The following NEMF variants were observed in gnomAD, a reference collection of about 807,000 sequenced individuals.
The protein encoded by NEMF is nuclear export mediator factor.
Under a neutral mutation model 162.2 loss-of-function variants are expected in NEMF, and 89 were observed. The ratio of observed to expected loss-of-function variants is 0.55; its 90% CI spans 0.46 to 0.65. NEMF has a LOEUF of 0.65. NEMF is among the 30% of genes least tolerant of loss of function. NEMF has a pLI of 0.00. For missense variants in NEMF, 1,133 were observed against 1,261.9 expected (o/e 0.90, Z 1.55); for synonymous variants, 421 against 404.5 (o/e 1.04, Z -0.49).
chr14:49,825,954 G>A lies in NEMF; in HGVS notation c.1490C>T (p.Ala497Val), dbSNP rs370101877. 1.9e-6 allele frequency: 3 copies of A among 1,595,034 alleles called. No individual in the cohort carries two copies. Among genetic ancestry groups the A allele is most frequent in the African/African-American group, 2.7e-5 (2 of 74,444 alleles). Residue 497 changes from alanine (A) to valine (V), a missense_variant and splice_region_variant, in exon 16 of 33, where the codon GCA becomes GTA. By Grantham distance (64) the Ala-to-Val change is moderately conservative (BLOSUM62 0). Around this residue, in one of 3 missense-constraint regions of NEMF, gnomAD observed 582 missense variants for 631.5 expected, o/e 0.92. Coordinates refer to ENST00000298310, the MANE Select transcript of NEMF (RefSeq NM_004713.6). The stretch of plus-strand genomic sequence containing the variant: ...TGTTTTCTTTTCTGCTGACTTGAAT[G>A]CCTATTTATAGAAAAGAGTTTTAAA... Reference protein sequence around the residue: ...TQKTVEAAEKAFKSAEKKTKQ... With the variant: ...TQKTVEAAEKVFKSAEKKTKQ...
chr14:49,845,360 C>A (rs777588887), intron 4 of NEMF, among the ~76,000 whole-genome samples: 1 of 151,800 alleles, frequency 6.6e-6, no homozygotes. Flanking sequence ...CCGCCCTCCT[C>A]GGCCTCCCAA....
chr14:49,804,301 T>C (rs1319755178), intron 19 of NEMF, among the ~76,000 whole-genome samples: 1 of 151,826 alleles, frequency 6.6e-6, no homozygotes, highest in Non-Finnish European at 1.5e-5. Context: ...AAAAGTAACC[T>C]TTGTCTATAT....
In NEMF at chr14:49,846,184, T is replaced by C; in HGVS notation, c.313A>G (p.Ser105Gly). The C allele has an allele frequency of 3.7e-6, 6 of 1,613,790 alleles. No homozygotes were observed. Among genetic ancestry groups the C allele is most frequent in the South Asian group, 1.1e-5 (1 of 91,082 alleles). Reference sequence around the variant, plus strand: ...ATTAAATGGTAAGCAGCTTCATCACTTCCAAATTGAAAATCTACAATTCTA... The same window carrying C: ...ATTAAATGGTAAGCAGCTTCATCACCTCCAAATTGAAAATCTACAATTCTA... ...VDRIVDFQFGSDEAAYHLIIE... is the reference protein window; with the variant it reads ...VDRIVDFQFGGDEAAYHLIIE... Residue 105 changes from serine to glycine, a missense_variant, in exon 4 of 33, where the codon AGT becomes GGT. By Grantham distance (56) the Ser-to-Gly change is moderately conservative (BLOSUM62 0). Coordinates refer to ENST00000298310, the MANE Select transcript of NEMF (RefSeq NM_004713.6).
intron 15 of NEMF, among the ~76,000 whole-genome samples, chr14:49,827,318 C>G (rs138166545): frequency 6.0e-4 from 91 of 152,268 alleles, no homozygotes; most frequent in African/African-American, 2.1e-3. Flanking sequence ...GCCCAAGTAG[C>G]TGGGATTACA....
chr14:49,847,323 T>G (rs1314295686), intron 3 of NEMF, among the ~76,000 whole-genome samples: 2 of 151,902 alleles, frequency 1.3e-5, no homozygotes, highest in Admixed American at 1.3e-4. Flanking sequence ...TGCCTCACCC[T>G]CCCAAGAGTA....
chr14:49,831,947 G>A (rs755529543), intron 10 of NEMF, 104 bp downstream of exon 10: 13 of 709,762 alleles, frequency 1.8e-5, no homozygotes, highest in African/African-American at 3.7e-5. Context: ...GATTCACAGT[G>A]AATGTAAAGC....
chr14:49,783,764 T>A lies in NEMF; in HGVS notation c.*872A>T, dbSNP rs948760441. 6.6e-6 allele frequency: 1 copy of A among 152,000 alleles called. No individual in the cohort carries two copies. Among genetic ancestry groups the A allele is most frequent in the Non-Finnish European group, 1.5e-5 (1 of 67,988 alleles). 9.4% of individuals were successfully genotyped at this position (152,000 alleles called of 1,614,324 possible). On this transcript the variant is annotated 3_prime_UTR_variant, in exon 33 of 33. Coordinates refer to ENST00000298310, the MANE Select transcript of NEMF (RefSeq NM_004713.6). ...ACTGAATCAGATTACAAGGAAAAAA[T>A]TAAGATCAAACCTGAAGGTCTACAA...
chr14:49,831,756 T>C (rs1566694381), intron 10 of NEMF, among the ~76,000 whole-genome samples: 1 of 152,210 alleles, frequency 6.6e-6, no homozygotes, highest in Admixed American at 6.5e-5. Context: ...GAATTTTAGA[T>C]TCCATTGTGT....
chr14:49,833,003 T>C (rs914029796), intron 8 of NEMF, among the ~76,000 whole-genome samples: 1 of 152,102 alleles, frequency 6.6e-6, no homozygotes, highest in Non-Finnish European at 1.5e-5. Flanking sequence ...CAGTGGCCCA[T>C]GTCTATAATC....
chr14:49,799,297 G>A (rs111986755), intron 25 of NEMF, among the ~76,000 whole-genome samples, 178 bp downstream of exon 25: 194 of 148,904 alleles, frequency 1.3e-3, no homozygotes, highest in African/African-American at 4.6e-3. Context: ...TATAGATTAG[G>A]GCCCTTAAAC....
At chr14:49,802,358 G>T in intron 22 of NEMF, 95 bp downstream of exon 22, 9 of 1,358,716 alleles carry the variant, frequency 6.6e-6, no homozygotes, top group Non-Finnish European at 9.0e-6. Context: ...TTGAAATTTA[G>T]ATTATCCCAA....
intron 25 of NEMF, among the ~76,000 whole-genome samples, chr14:49,798,797 C>T (rs1890809619): frequency 1.3e-5 from 2 of 152,114 alleles, no homozygotes; most frequent in African/African-American, 4.8e-5. Flanking sequence ...GTCCCAGCTA[C>T]TCGGGAGGCT....
chr14:49,844,502 T>C (rs1273599937), intron 4 of NEMF, among the ~76,000 whole-genome samples: 1 of 152,104 alleles, frequency 6.6e-6, no homozygotes, highest in African/African-American at 2.4e-5. Flanking sequence ...ATAGGGCACT[T>C]ACCATGAATG....
chr14:49,811,260 G>T (rs1337790644), intron 18 of NEMF, among the ~76,000 whole-genome samples: 1 of 152,006 alleles, frequency 6.6e-6, no homozygotes, highest in Non-Finnish European at 1.5e-5. Context: ...TTGTTCACTG[G>T]TAGTGTACAG....
chr14:49,846,655 G>A (rs149193235), intron 3 of NEMF, among the ~76,000 whole-genome samples: 541 of 152,258 alleles, frequency 3.6e-3, no homozygotes, highest in African/African-American at 0.013. Context: ...TGTAGAGACA[G>A]GGTCTCACTA....
intron 18 of NEMF, among the ~76,000 whole-genome samples, chr14:49,810,547 T>C (rs190200306): frequency 6.6e-6 from 1 of 152,336 alleles, no homozygotes; most frequent in East Asian, 1.9e-4. Context: ...TCCTGATTAC[T>C]GTTACTCTGT....
In NEMF at chr14:49,802,744, A is replaced by T; in HGVS notation, c.1916-17T>A. On this transcript the variant is annotated splice_polypyrimidine_tract_variant and intron_variant, in intron 20 of 32. Coordinates refer to ENST00000298310, the MANE Select transcript of NEMF (RefSeq NM_004713.6). ...TCTTTTTTCCTACAAAAGATAACGT[A>T]CATTAATGCTTTGAAAATCAGTCTT... is the stretch of plus-strand genomic sequence containing the variant. The T allele has an allele frequency of 6.3e-7, 1 of 1,583,024 alleles. No individual in the cohort carries two copies. Among genetic ancestry groups the T allele is most frequent in the Middle Eastern group, 1.7e-4 (1 of 5,798 alleles).
At chr14:49,850,693 TTAATG>T in intron 3 of NEMF, among the ~76,000 whole-genome samples, 1 of 151,632 alleles carries the variant, frequency 6.6e-6, no homozygotes, top group African/African-American at 2.4e-5. Context: ...TAGTAACATA[TTAATG>T]TCAGTGAGTA....
chr14:49,783,125 T>C lies in NEMF; in HGVS notation c.*1511A>G, dbSNP rs1889990421. On this transcript the variant is annotated 3_prime_UTR_variant, in exon 33 of 33. Coordinates refer to ENST00000298310, the MANE Select transcript of NEMF (RefSeq NM_004713.6). The stretch of plus-strand genomic sequence containing the variant: ...TTTTGTGTCTAAAGTTTACAATAAA[T>C]GTATTTAACACCAGTAGCTGTCCTC... 3.9e-6 allele frequency: 2 copies of C among 514,512 alleles called. No individual in the cohort carries two copies. The highest frequency in any genetic ancestry group is 6.6e-6 in the Non-Finnish European group (2 of 304,404). The allele number at this position is 514,512 out of a possible 1,614,324, so 31.9% of individuals were successfully genotyped here.
Sources: allele counts gnomAD v4.1 joint callset (sites outside exome capture counted in the v4.1 genomes callset), GRCh38; gene constraint gnomAD v4.1.1; regional missense constraint gnomAD v4.1.1; transcripts MANE v1.5; gene names NCBI Gene and HGNC (gene_info 2026-07-23, HGNC 2026-07-21).